TLE4: variants seen among roughly 807,000 people sequenced by gnomAD.
The protein encoded by TLE4 is TLE family member 4, transcriptional corepressor, also known as transducin-like enhancer protein 4.
TLE4 carries 8 observed loss-of-function variants against 92.8 expected under a neutral mutation model. The observed-to-expected ratio is 0.09, with a 90% CI of 0.05 to 0.16. The LOEUF (loss-of-function observed/expected upper bound fraction) is 0.16. Ranked by LOEUF, TLE4 falls within the 10% of genes least tolerant of loss-of-function variation. The pLI, the probability that TLE4 is intolerant of heterozygous loss-of-function variation, is 1.00. For synonymous variants in TLE4, 371 were observed against 374.1 expected (o/e 0.99, Z 0.10); for missense variants, 675 against 997.6 (o/e 0.68, Z 4.36).
At chr9:79,607,570 C>T (rs918714009) in intron 4 of TLE4, among the ~76,000 whole-genome samples, 2 of 152,070 alleles carry the variant, frequency 1.3e-5, no homozygotes, top group Admixed American at 1.3e-4. Flanking sequence ...GGAAGGGATC[C>T]AGTTTCAGCT....
In TLE4 at chr9:79,705,922, G is replaced by A. The variant is rs778636588; in HGVS notation, c.763G>A (p.Val255Met). ...SDGEKSDDNL[V>M]VDVSNEDPSS... Reference sequence around the variant, plus strand: ...TGGTGAGAAAAGTGATGACAACTTGGTGGTTGACGTTTCCAATGAGGTATG... The same window carrying A: ...TGGTGAGAAAAGTGATGACAACTTGATGGTTGACGTTTCCAATGAGGTATG... The change falls in exon 10 of 20, where the codon GTG (valine) becomes ATG (methionine). Residue 255 changes from valine (V) to methionine (M), a missense_variant. Physicochemically the swap from Val to Met is conservative, Grantham distance 21 (BLOSUM62 1). This residue lies in a region of TLE4 where 280 missense variants were observed against 287.3 expected (regional missense o/e 0.97). Transcript: ENST00000376552. 3 of 1,614,148 alleles carry A rather than the reference G, an allele frequency of 1.9e-6. No homozygotes were observed. Among genetic ancestry groups the A allele is most frequent in the Non-Finnish European group, 1.7e-6 (2 of 1,180,028 alleles).
At chr9:79,612,269 A>G (rs1034056067) in intron 4 of TLE4, among the ~76,000 whole-genome samples, 3 of 152,142 alleles carry the variant, frequency 2.0e-5, no homozygotes, top group African/African-American at 4.8e-5. Context: ...GTTGAGATGT[A>G]GGAAAGAATG....
intron 4 of TLE4, among the ~76,000 whole-genome samples, chr9:79,597,010 A>G (rs2044200253): frequency 6.6e-6 from 1 of 152,132 alleles, no homozygotes; most frequent in Admixed American, 6.5e-5. Flanking sequence ...CCCCTAACCA[A>G]ATCTTGACAC....
At chr9:79,659,194 G>A (rs2060182007) in intron 8 of TLE4, among the ~76,000 whole-genome samples, 2 of 152,172 alleles carry the variant, frequency 1.3e-5, no homozygotes, top group South Asian at 2.1e-4. Context: ...AGCTCTTTGG[G>A]TAACCCAGTT....
At chr9:79,660,676 T>A (rs2027005) in intron 8 of TLE4, among the ~76,000 whole-genome samples, 91 of 152,170 alleles carry the variant, frequency 6.0e-4, no homozygotes, top group African/African-American at 2.0e-3. Flanking sequence ...TGTTCAGTAT[T>A]AATTGATACC....
chr9:79,680,951 C>A (rs2064423450), intron 8 of TLE4, among the ~76,000 whole-genome samples: 1 of 152,108 alleles, frequency 6.6e-6, no homozygotes, highest in Non-Finnish European at 1.5e-5. Context: ...GTTTGTTGAA[C>A]CAGCCTTGCA....
chr9:79,621,511 G>A (rs974146555), intron 5 of TLE4, among the ~76,000 whole-genome samples: 1 of 152,176 alleles, frequency 6.6e-6, no homozygotes, highest in Non-Finnish European at 1.5e-5. Flanking sequence ...TAGTATTAGG[G>A]CTCATTATCC....
chr9:79,576,373 T>A, intron 4 of TLE4, 196 bp downstream of exon 4: 1 of 368,834 alleles, frequency 2.7e-6, no homozygotes, highest in Non-Finnish European at 4.9e-6. Flanking sequence ...TTTTATAATT[T>A]AAAAATGTTA....
At chr9:79,627,134 T>C (rs2052820772) in intron 5 of TLE4, among the ~76,000 whole-genome samples, 1 of 152,206 alleles carries the variant, frequency 6.6e-6, no homozygotes, top group Middle Eastern at 3.4e-3. Flanking sequence ...TAAAGGAGCA[T>C]TCTTCATGGG....
chr9:79,668,727 T>G (rs1218090913), intron 8 of TLE4: 2 of 605,596 alleles, frequency 3.3e-6, no homozygotes, highest in African/African-American at 5.4e-5. Flanking sequence ...GAACAGTATA[T>G]GCTAAAATAG....
intron 4 of TLE4, chr9:79,576,881 C>T (rs1295309276): frequency 6.6e-6 from 1 of 151,126 alleles, no homozygotes; most frequent in Non-Finnish European, 1.5e-5. Context: ...GTGCAGGAGA[C>T]TGAATAAAAT....
intron 8 of TLE4, among the ~76,000 whole-genome samples, chr9:79,680,902 T>C (rs1245514252): frequency 6.6e-6 from 1 of 152,178 alleles, no homozygotes; most frequent in Non-Finnish European, 1.5e-5. Flanking sequence ...TTTTTGTCTG[T>C]GGTTTTGTTT....
intron 6 of TLE4, among the ~76,000 whole-genome samples, chr9:79,646,577 G>A (rs566942051): frequency 6.6e-6 from 1 of 152,264 alleles, no homozygotes; most frequent in African/African-American, 2.4e-5. Flanking sequence ...TAAAGAAGAT[G>A]TTTTCTAATA....
chr9:79,714,825 A>G (rs2074145764), intron 14 of TLE4, among the ~76,000 whole-genome samples: 1 of 152,252 alleles, frequency 6.6e-6, no homozygotes, highest in African/African-American at 2.4e-5. Flanking sequence ...TAAATTAGTT[A>G]GAAACAGAGT....
chr9:79,714,255 C>A (rs1194860710), intron 14 of TLE4, among the ~76,000 whole-genome samples: 1 of 152,166 alleles, frequency 6.6e-6, no homozygotes, highest in Non-Finnish European at 1.5e-5. Flanking sequence ...CTCCCTTTAT[C>A]CCTCAAAAAT....
chr9:79,648,763 G>A, intron 6 of TLE4, among the ~76,000 whole-genome samples: 1 of 152,186 alleles, frequency 6.6e-6, no homozygotes, highest in Non-Finnish European at 1.5e-5. Context: ...TTGATGACCA[G>A]TAACTTGAGC....
chr9:79,587,237 G>T (rs912810039), intron 4 of TLE4, among the ~76,000 whole-genome samples: 1 of 152,138 alleles, frequency 6.6e-6, no homozygotes, highest in Non-Finnish European at 1.5e-5. Flanking sequence ...CATATTCTGA[G>T]TATCAGCCAC....
chr9:79,591,858 C>T (rs1466184120), intron 4 of TLE4, among the ~76,000 whole-genome samples: 1 of 151,944 alleles, frequency 6.6e-6, no homozygotes, highest in Non-Finnish European at 1.5e-5. Flanking sequence ...AGGTGTGGTA[C>T]CTAGGAAGGA....
At chr9:79,697,033 T>A (rs1468416007) in intron 8 of TLE4, among the ~76,000 whole-genome samples, 2 of 152,172 alleles carry the variant, frequency 1.3e-5, no homozygotes, top group African/African-American at 2.4e-5. Context: ...TTATGATATG[T>A]TTTACAGGTC....
Sources: gnomAD v4.1 joint callset for allele counts (sites outside exome capture counted in the v4.1 genomes callset) on GRCh38, gnomAD v4.1.1 for gene constraint, gnomAD v4.1.1 regional missense constraint, MANE v1.5 for transcripts, NCBI Gene and HGNC (gene_info 2026-07-23, HGNC 2026-07-21) for gene names.